The following ROBO2 variants were observed in gnomAD, a reference collection of about 807,000 sequenced individuals.
ROBO2 encodes the protein roundabout guidance receptor 2, also known as roundabout homolog 2.
Under a neutral mutation model 160.8 loss-of-function variants are expected in ROBO2, and 53 were observed. That is an observed-to-expected ratio of 0.33 (90% confidence interval 0.26 to 0.41). ROBO2 has a LOEUF of 0.41. ROBO2 is among the 10% of genes least tolerant of loss of function. The probability of loss-of-function intolerance (pLI) is 1.00; values close to 1 mark genes in which losing one functional copy is unlikely to be tolerated. For synonymous variants in ROBO2, 664 were observed against 611.7 expected, an observed-to-expected ratio of 1.09 and a Z score of -1.26; for missense variants, 1,577 against 1,722.4, an observed-to-expected ratio of 0.92 and a Z score of 1.49.
chr3:77,405,382 T>G (rs2076171957), intron 2 of ROBO2, among the ~76,000 whole-genome samples: 1 of 152,102 alleles, frequency 6.6e-6, no homozygotes, highest in Admixed American at 6.6e-5. Flanking sequence ...ATTTAAACAT[T>G]ACAGATGTAT....
chr3:76,004,284 T>G (rs1434096860), intron 2 of ROBO2, among the ~76,000 whole-genome samples: 1 of 152,144 alleles, frequency 6.6e-6, no homozygotes. Context: ...CAATCAAGGC[T>G]ACATAGTATA....
chr3:76,449,661 A>C (rs927958648), intron 2 of ROBO2, among the ~76,000 whole-genome samples: 2 of 152,124 alleles, frequency 1.3e-5, no homozygotes, highest in African/African-American at 4.8e-5. Context: ...CCCCGAAAGC[A>C]GTGTTTAAGT....
At chr3:76,593,744 T>G (rs2086566679) in intron 2 of ROBO2, among the ~76,000 whole-genome samples, 1 of 151,944 alleles carries the variant, frequency 6.6e-6, no homozygotes, top group Admixed American at 6.6e-5. Flanking sequence ...AAAAGCAGAG[T>G]TGAGTTGCTC....
At chr3:77,580,464 A>G (rs2093887782) in intron 16 of ROBO2, among the ~76,000 whole-genome samples, 1 of 152,176 alleles carries the variant, frequency 6.6e-6, no homozygotes, top group Non-Finnish European at 1.5e-5. Context: ...TCATGTTTCA[A>G]ATCTGTATGC....
At chr3:77,338,533 ATGT>A (rs1219560963) in intron 2 of ROBO2, among the ~76,000 whole-genome samples, 5 of 152,216 alleles carry the variant, frequency 3.3e-5, no homozygotes. Flanking sequence ...CAACGAGACA[ATGT>A]TGTGGCAATT....
At chr3:76,021,420 TAGTC>T (rs1201282986) in intron 2 of ROBO2, among the ~76,000 whole-genome samples, 3 of 151,824 alleles carry the variant, frequency 2.0e-5, no homozygotes, top group East Asian at 1.9e-4. Flanking sequence ...ATTTTGATGA[TAGTC>T]AGCTACTAAT....
At chr3:77,629,267 A>G (rs2095104998) in intron 23 of ROBO2, 1 of 152,158 alleles carries the variant, frequency 6.6e-6, no homozygotes, top group Non-Finnish European at 1.5e-5. Context: ...GTCTCACAGG[A>G]TATCATTTCT....
chr3:76,673,147 T>G (rs2092313418), intron 2 of ROBO2, among the ~76,000 whole-genome samples: 1 of 152,166 alleles, frequency 6.6e-6, no homozygotes, highest in Non-Finnish European at 1.5e-5. Flanking sequence ...CAGTAATGCT[T>G]TAGTAACACT....
At chr3:76,604,213 A>G (rs915089397) in intron 2 of ROBO2, among the ~76,000 whole-genome samples, 1 of 152,230 alleles carries the variant, frequency 6.6e-6, no homozygotes, top group African/African-American at 2.4e-5. Context: ...CTGTGTGTCT[A>G]TAGCACAAAT....
chr3:77,062,965 T>A (rs1028320131), intron 1 of ROBO2, among the ~76,000 whole-genome samples: 9 of 152,298 alleles, frequency 5.9e-5, no homozygotes, highest in African/African-American at 9.6e-5. Context: ...TTTTTAATAA[T>A]AAAGATTCTG....
intron 2 of ROBO2, among the ~76,000 whole-genome samples, chr3:76,328,750 T>G (rs1330609212): frequency 6.6e-6 from 1 of 151,808 alleles, no homozygotes; most frequent in African/African-American, 2.4e-5. Context: ...TCTCAGCTAC[T>G]CGGGAGGCTG....
chr3:76,791,432 A>G (rs1366357212), intron 2 of ROBO2, among the ~76,000 whole-genome samples: 2 of 150,082 alleles, frequency 1.3e-5, no homozygotes, highest in African/African-American at 5.0e-5. Context: ...TGGGTTTTAT[A>G]AGATATTTCT....
intron 2 of ROBO2, among the ~76,000 whole-genome samples, chr3:75,976,448 A>C (rs2065136078): frequency 6.6e-6 from 1 of 151,612 alleles, no homozygotes; most frequent in Non-Finnish European, 1.5e-5. Flanking sequence ...CTAGACACAG[A>C]AAGTACATAC....
chr3:77,483,299 G>A (rs1011734842), intron 4 of ROBO2, among the ~76,000 whole-genome samples: 1 of 151,962 alleles, frequency 6.6e-6, no homozygotes, highest in African/African-American at 2.4e-5. Context: ...TCCAAATCAA[G>A]GATGTGACAA....
intron 2 of ROBO2, among the ~76,000 whole-genome samples, chr3:76,264,781 A>G (rs1374988682): frequency 6.6e-6 from 1 of 152,106 alleles, no homozygotes; most frequent in East Asian, 1.9e-4. Flanking sequence ...GTAGTAGCCC[A>G]TACTACTCTT....
Position 77,644,691 on chromosome 3 carries a change from T to C in ROBO2, c.3935-13T>C. 6.2e-7 allele frequency: 1 copy of C among 1,613,852 alleles called. No individual in the cohort carries two copies. Among genetic ancestry groups the C allele is most frequent in the Non-Finnish European group, 8.5e-7 (1 of 1,179,928 alleles). On this transcript the variant is annotated splice_polypyrimidine_tract_variant and intron_variant, in intron 24 of 25. Coordinates refer to ENST00000461745, the Ensembl canonical transcript of ROBO2. Reference sequence around the variant, plus strand: ...CTGTTCAATTTAGCCTTTGGGTTTTTTTTCTTTTTCAGAGGAGGCCTTGGT... The same window carrying C: ...CTGTTCAATTTAGCCTTTGGGTTTTCTTTCTTTTTCAGAGGAGGCCTTGGT...
At chr3:75,917,572 A>G (rs190013524) in intron 1 of ROBO2, among the ~76,000 whole-genome samples, 1 of 152,344 alleles carries the variant, frequency 6.6e-6, no homozygotes, top group Admixed American at 6.5e-5. Context: ...TTGCTGGGTC[A>G]AATGGTATTT....
intron 2 of ROBO2, among the ~76,000 whole-genome samples, chr3:76,289,483 T>G (rs1708697565): frequency 6.6e-6 from 1 of 152,196 alleles, no homozygotes; most frequent in Non-Finnish European, 1.5e-5. Context: ...CTGCAGAAGC[T>G]TTTGAGTTTG....
intron 1 of ROBO2, among the ~76,000 whole-genome samples, chr3:77,041,769 G>A (rs181628797): frequency 1.3e-5 from 2 of 152,058 alleles, no homozygotes; most frequent in East Asian, 3.9e-4. Flanking sequence ...TTTTTATATC[G>A]ATGGAAACAA....
Sources: allele counts gnomAD v4.1 joint callset (sites outside exome capture counted in the v4.1 genomes callset), GRCh38; gene constraint gnomAD v4.1.1; transcripts MANE v1.5; gene names NCBI Gene and HGNC (gene_info 2026-07-23, HGNC 2026-07-21).